Variants in COPA observed in about 807,000 individuals in gnomAD.
The protein encoded by COPA is coatomer subunit alpha.
Under a neutral mutation model 158.7 loss-of-function variants are expected in COPA, and 10 were observed. The observed-to-expected ratio is 0.06, with a 90% CI of 0.04 to 0.11. The LOEUF is 0.11. COPA is among the 10% of genes least tolerant of loss of function. The pLI is 1.00. For synonymous variants in COPA, 462 were observed against 542.8 expected (o/e 0.85, Z 2.07); for missense variants, 1,065 against 1,536.7 (o/e 0.69, Z 5.13).
chr1:160,319,824 C>T (rs1014974510), intron 8 of COPA, among the ~76,000 whole-genome samples: 2 of 142,688 alleles, frequency 1.4e-5, no homozygotes, highest in Admixed American at 7.3e-5. Flanking sequence ...TTGCTTGAAA[C>T]GAATGAAAAT....
chr1:160,305,234 G>A (rs1658746239), intron 17 of COPA, 199 bp downstream of exon 17: 2 of 507,232 alleles, frequency 3.9e-6, no homozygotes, highest in East Asian at 6.3e-5. Context: ...TTTTTTTAAT[G>A]TAATTGTCTA....
At chr1:160,326,397 C>T (rs1034971930) in intron 6 of COPA, among the ~76,000 whole-genome samples, 6 of 152,152 alleles carry the variant, frequency 3.9e-5, no homozygotes, top group Non-Finnish European at 8.8e-5. Flanking sequence ...TGCAGTGGCG[C>T]GAGCCTGTAG....
intron 8 of COPA, among the ~76,000 whole-genome samples, chr1:160,321,272 C>T (rs377625138): frequency 2.6e-5 from 4 of 152,148 alleles, no homozygotes; most frequent in African/African-American, 9.7e-5. Context: ...GGCCTTTTCT[C>T]TACGGACCAG....
intron 26 of COPA, 65 bp from the exon 27 acceptor site, chr1:160,293,299 C>G: frequency 6.2e-7 from 1 of 1,611,134 alleles, no homozygotes; most frequent in Non-Finnish European, 8.5e-7. Context: ...TCCTCTGTAA[C>G]TATAGTAGAA....
intron 10 of COPA, 112 bp from the exon 11 acceptor site, chr1:160,312,130 G>T: frequency 2.0e-6 from 2 of 1,014,298 alleles, no homozygotes; most frequent in South Asian, 1.8e-5. Context: ...ACACCTGAAT[G>T]CATCCCTTAT....
chr1:160,290,041 TAC>T lies in COPA; in HGVS notation c.*114_*115del. 1 of 963,532 alleles carries T rather than the reference TAC, an allele frequency of 1.0e-6. No individual in the cohort carries two copies. The highest frequency in any genetic ancestry group is 2.2e-5 in the Admixed American group (1 of 46,246). The allele number at this position is 963,532 out of a possible 1,614,324, so 59.7% of individuals were successfully genotyped here. A position where few individuals can be genotyped will look rare whatever the true frequency, so the allele number is the denominator to read the frequency against. On this transcript the variant is annotated 3_prime_UTR_variant, in exon 33 of 33. Coordinates refer to ENST00000241704, the MANE Select transcript of COPA (RefSeq NM_004371.4). ...GAGAAAAAGATACTAGGTTTTAGGGTACAGAGAGCCAGATCTGAAGAGTAGCT... is the reference window on the plus strand; with the variant it reads ...GAGAAAAAGATACTAGGTTTTAGGGTAGAGAGCCAGATCTGAAGAGTAGCT...
chr1:160,292,757 AATG>A, intron 27 of COPA, 137 bp from the exon 28 acceptor site: 1 of 657,212 alleles, frequency 1.5e-6, no homozygotes. Flanking sequence ...TACCTCATTT[AATG>A]ATACCTATTA....
chr1:160,312,964 T>C (rs1571164636), intron 10 of COPA, 121 bp downstream of exon 10: 1 of 848,282 alleles, frequency 1.2e-6, no homozygotes, highest in Non-Finnish European at 1.8e-6. Context: ...TAAGTGGCTC[T>C]GAGAGTCCTT....
chr1:160,322,634 A>G (rs543022198), intron 8 of COPA, among the ~76,000 whole-genome samples: 48 of 152,292 alleles, frequency 3.2e-4, no homozygotes, highest in African/African-American at 1.0e-3. Flanking sequence ...CAAATCCACA[A>G]TGAGATATCA....
intron 22 of COPA, 89 bp downstream of exon 22, chr1:160,295,972 G>A: frequency 6.3e-7 from 1 of 1,578,432 alleles, no homozygotes; most frequent in Non-Finnish European, 8.7e-7. Context: ...TGGTAACCAG[G>A]TGGGAGAGTG....
At chr1:160,333,079 G>T (rs546099165) in intron 5 of COPA, among the ~76,000 whole-genome samples, 1 of 152,226 alleles carries the variant, frequency 6.6e-6, no homozygotes, top group East Asian at 1.9e-4. Flanking sequence ...ACACGCCACC[G>T]CGTCCAGCTT....
rs768877876 is a variant in COPA at position 160,290,682 on chromosome 1, C to T, written c.3425G>A (p.Arg1142Gln). 18 of 1,613,880 alleles carry T rather than the reference C, an allele frequency of 1.1e-5. No homozygotes were observed. Among genetic ancestry groups the T allele is most frequent in the African/African-American group, 8.0e-5 (6 of 74,998 alleles). Residue 1142 changes from arginine to glutamine, a missense_variant, in exon 32 of 33, where the codon CGA (arginine) becomes CAA (glutamine). Physicochemically the swap from Arg to Gln is conservative, Grantham distance 43 (BLOSUM62 1). This residue lies in a region of COPA where 980 missense variants were observed against 1,357.8 expected (regional missense o/e 0.72). Coordinates refer to ENST00000241704, the MANE Select transcript of COPA (RefSeq NM_004371.4). ...CTTCTCACAGGCAGACAGGATTTTTCGGGTCTAGGGGAAGGAAGGAGTATT... is the reference window on the plus strand; with the variant it reads ...CTTCTCACAGGCAGACAGGATTTTTTGGGTCTAGGGGAAGGAAGGAGTATT... ...GPKPEVAQQT[R>Q]KILSACEKNP...
chr1:160,325,516 T>C, intron 7 of COPA, 27 bp downstream of exon 7: 2 of 1,568,386 alleles, frequency 1.3e-6, no homozygotes, highest in Non-Finnish European at 1.8e-6. Flanking sequence ...CAGCCCATAT[T>C]CAGCCCCTGG....
chr1:160,335,064 T>A (rs1647695542), intron 4 of COPA, among the ~76,000 whole-genome samples, 178 bp downstream of exon 4: 1 of 152,038 alleles, frequency 6.6e-6, no homozygotes, highest in Non-Finnish European at 1.5e-5. Context: ...TTCAGTATAA[T>A]CCCAAGTGCT....
intron 7 of COPA, among the ~76,000 whole-genome samples, chr1:160,324,285 CTTTTTTT>C (rs750360211): frequency 9.8e-6 from 1 of 102,354 alleles, no homozygotes; most frequent in Non-Finnish European, 2.1e-5. Context: ...CTTCTTCATT[CTTTTTTT>C]TTTTTTTTTT....
chr1:160,290,769 C>G, intron 31 of COPA, 83 bp from the exon 32 acceptor site: 8 of 1,321,302 alleles, frequency 6.1e-6, no homozygotes, highest in Non-Finnish European at 8.6e-6. Context: ...TTTGGTAGTT[C>G]CGTTGATGTG....
chr1:160,312,258 T>C (rs1005431533), intron 10 of COPA, among the ~76,000 whole-genome samples: 1 of 152,206 alleles, frequency 6.6e-6, no homozygotes, highest in Admixed American at 6.5e-5. Context: ...CTTTTCTGTG[T>C]TCCCCTAATG....
chr1:160,314,080 T>C lies in COPA; in HGVS notation c.752A>G (p.Asn251Ser), dbSNP rs749970594. 4 of 1,614,016 alleles carry C rather than the reference T, an allele frequency of 2.5e-6. No individual in the cohort carries two copies. Among genetic ancestry groups the C allele is most frequent in the South Asian group, 1.1e-5 (1 of 91,070 alleles). ...EVDTCRGHYNNVSCAVFHPRQ... is the reference protein window; with the variant it reads ...EVDTCRGHYNSVSCAVFHPRQ... ...AGGGTGGAAGACGGCACAAGATACATTGTTGTAATGGCCCCGGCAGGTATC... is the reference window on the plus strand; with the variant it reads ...AGGGTGGAAGACGGCACAAGATACACTGTTGTAATGGCCCCGGCAGGTATC... Residue 251 changes from asparagine (N) to serine (S), a missense_variant, in exon 9 of 33, where the codon AAT becomes AGT. Physicochemically the swap from Asn to Ser is conservative, Grantham distance 46. Coordinates refer to ENST00000241704, the MANE Select transcript of COPA (RefSeq NM_004371.4).
intron 7 of COPA, 86 bp downstream of exon 7, chr1:160,325,457 G>T: frequency 1.8e-6 from 2 of 1,132,064 alleles, no homozygotes; most frequent in Non-Finnish European, 2.7e-6. Context: ...GTAAATATTT[G>T]TTGAAGGAAT....
Sources: allele counts gnomAD v4.1 joint callset (sites outside exome capture counted in the v4.1 genomes callset), GRCh38; gene constraint gnomAD v4.1.1; regional missense constraint gnomAD v4.1.1; transcripts MANE v1.5; gene names NCBI Gene and HGNC (gene_info 2026-07-23, HGNC 2026-07-21).